Variants in DIP2C observed in about 807,000 individuals in gnomAD.
DIP2C encodes the protein disco-interacting protein 2 homolog C.
DIP2C carries 33 observed loss-of-function variants against 192.4 expected under a neutral mutation model. The observed-to-expected ratio is 0.17, with a 90% confidence interval of 0.13 to 0.23. DIP2C has a LOEUF of 0.23. DIP2C is among the 10% of genes least tolerant of loss of function. The pLI is 1.00. For synonymous variants in DIP2C, 979 were observed against 864.1 expected (o/e 1.13, Z -2.33); for missense variants, 1,537 against 2,110.1 (o/e 0.73, Z 5.32).
chr10:407,474 GTAA>G (rs1410672861), intron 9 of DIP2C, among the ~76,000 whole-genome samples: 14 of 152,206 alleles, frequency 9.2e-5, no homozygotes, highest in African/African-American at 3.4e-4. Flanking sequence ...GGATCACACA[GTAA>G]TTCCATGTTT....
intron 1 of DIP2C, among the ~76,000 whole-genome samples, chr10:521,495 C>G (rs1197184130): frequency 1.3e-5 from 2 of 152,186 alleles, no homozygotes; most frequent in Non-Finnish European, 1.5e-5. Context: ...CAAAGCCTGA[C>G]GTGTGGTCCC....
At chr10:468,038 T>C (rs1402350952) in intron 3 of DIP2C, among the ~76,000 whole-genome samples, 1 of 152,150 alleles carries the variant, frequency 6.6e-6, no homozygotes, top group Non-Finnish European at 1.5e-5. Context: ...GACCTCGAGC[T>C]GCCAAGTCTC....
intron 17 of DIP2C, 75 bp downstream of exon 17, chr10:382,572 G>A (rs1442612980): frequency 8.4e-7 from 1 of 1,188,124 alleles, no homozygotes; most frequent in Non-Finnish European, 1.2e-6. Flanking sequence ...CAACTGTTAG[G>A]ATTTCCTGAT....
chr10:387,291 C>CT (rs527640378), intron 14 of DIP2C, among the ~76,000 whole-genome samples: 38 of 152,316 alleles, frequency 2.5e-4, no homozygotes, highest in African/African-American at 9.1e-4. Context: ...ACACAACTGG[C>CT]TTTGTGGTGC....
chr10:504,841 T>C (rs926568564), intron 1 of DIP2C, among the ~76,000 whole-genome samples: 26 of 152,306 alleles, frequency 1.7e-4, no homozygotes, highest in Non-Finnish European at 2.9e-4. Flanking sequence ...ACGGCTTTCA[T>C]TGCATGTCAA....
At chr10:615,202 C>G (rs972938314) in intron 1 of DIP2C, among the ~76,000 whole-genome samples, 1 of 152,184 alleles carries the variant, frequency 6.6e-6, no homozygotes, top group Admixed American at 6.5e-5. Flanking sequence ...GGTCCCTAGG[C>G]GGGCTGCTTC....
intron 31 of DIP2C, among the ~76,000 whole-genome samples, chr10:319,171 C>T (rs1956900024): frequency 6.6e-6 from 1 of 152,190 alleles, no homozygotes; most frequent in Admixed American, 6.5e-5. Flanking sequence ...CCTCAGCCTC[C>T]TGAAGTGCTG....
chr10:486,640 G>T, intron 1 of DIP2C, 110 bp from the exon 2 acceptor site: 1 of 904,020 alleles, frequency 1.1e-6, no homozygotes, highest in Non-Finnish European at 1.6e-6. Context: ...GTGCCTCATT[G>T]TTAGAATTTT....
chr10:532,552 T>C (rs1221097806), intron 1 of DIP2C, among the ~76,000 whole-genome samples: 1 of 120,128 alleles, frequency 8.3e-6, no homozygotes, highest in Non-Finnish European at 1.9e-5. Context: ...TGTGAGAGAG[T>C]ATGGGTGAGA....
chr10:421,752 T>G (rs1174197790), intron 5 of DIP2C, among the ~76,000 whole-genome samples: 1 of 152,184 alleles, frequency 6.6e-6, no homozygotes, highest in African/African-American at 2.4e-5. Flanking sequence ...TTTTTTTCAT[T>G]TTTTTCCTCA....
In DIP2C at chr10:419,062, T is replaced by C; in HGVS notation, c.739+3A>G. 1 of 1,614,250 alleles carries C rather than the reference T, an allele frequency of 6.2e-7. No homozygotes were observed. The highest frequency in any genetic ancestry group is 8.5e-7 in the Non-Finnish European group (1 of 1,180,036). On this transcript the variant is annotated splice_donor_region_variant and intron_variant, in intron 6 of 36. Coordinates refer to ENST00000280886, the MANE Select transcript of DIP2C (RefSeq NM_014974.3). ...AAAAACGCATCTCTCCTTTGGGACG[T>C]ACCATCCCCGGTCTCCATGAGCTCG...
intron 17 of DIP2C, among the ~76,000 whole-genome samples, chr10:380,500 C>T (rs12767614): frequency 1.2e-4 from 18 of 152,180 alleles, no homozygotes; most frequent in Non-Finnish European, 2.4e-4. Flanking sequence ...ATGGTTAACA[C>T]GCAGGACACA....
chr10:432,751 T>C (rs1966878665), intron 4 of DIP2C, among the ~76,000 whole-genome samples: 1 of 152,212 alleles, frequency 6.6e-6, no homozygotes, highest in Admixed American at 6.5e-5. Context: ...AGCTTATTGA[T>C]TTCAGATCTT....
intron 4 of DIP2C, among the ~76,000 whole-genome samples, chr10:433,897 CTTT>C (rs891670761): frequency 8.8e-5 from 13 of 148,008 alleles, no homozygotes; most frequent in South Asian, 4.2e-4. Flanking sequence ...GCCCTTTTGT[CTTT>C]TTTTTTCTTT....
chr10:671,817 G>A (rs1239428796), intron 1 of DIP2C, among the ~76,000 whole-genome samples: 3 of 143,030 alleles, frequency 2.1e-5, no homozygotes, highest in Non-Finnish European at 4.5e-5. Context: ...ACGCACGGAC[G>A]GAGGAAACGC....
chr10:501,947 C>G (rs542486587), intron 1 of DIP2C, among the ~76,000 whole-genome samples: 1 of 151,990 alleles, frequency 6.6e-6, no homozygotes, highest in Non-Finnish European at 1.5e-5. Flanking sequence ...GAGTCTAAGA[C>G]CAGCCTGGGT....
At chr10:561,921 C>T (rs1013252444) in intron 1 of DIP2C, among the ~76,000 whole-genome samples, 4 of 152,238 alleles carry the variant, frequency 2.6e-5, no homozygotes, top group East Asian at 1.9e-4. Flanking sequence ...GCCCCACCTT[C>T]GGTGTCAGCA....
At chr10:539,731 T>C (rs1045275745) in intron 1 of DIP2C, among the ~76,000 whole-genome samples, 10 of 152,252 alleles carry the variant, frequency 6.6e-5, no homozygotes, top group Non-Finnish European at 1.3e-4. Context: ...AGTAAGTTTA[T>C]TGAACACAAA....
intron 31 of DIP2C, among the ~76,000 whole-genome samples, chr10:319,836 C>CA: frequency 6.6e-6 from 1 of 152,246 alleles, no homozygotes. Context: ...CTAGCTTTGT[C>CA]AATTAGGAAA....
Sources: gnomAD v4.1 joint callset for allele counts (sites outside exome capture counted in the v4.1 genomes callset) on GRCh38, gnomAD v4.1.1 for gene constraint, MANE v1.5 for transcripts, NCBI Gene and HGNC (gene_info 2026-07-23, HGNC 2026-07-21) for gene names.